Variants in ZNG1B observed in about 807,000 individuals in gnomAD.
ZNG1B encodes the protein Zn regulated GTPase metalloprotein activator 1B.
the ZNG1B span, among the ~76,000 whole-genome samples, chr2:113,459,371 A>G: frequency 6.6e-6 from 1 of 151,676 alleles, no homozygotes; most frequent in African/African-American, 2.4e-5. Flanking sequence ...GTTCCAAACT[A>G]TTCAGATACC....
At chr2:113,488,209 C>T in the ZNG1B span, among the ~76,000 whole-genome samples, 1 of 152,174 alleles carries the variant, frequency 6.6e-6, no homozygotes, top group East Asian at 1.9e-4. Flanking sequence ...AGACTACCCC[C>T]CAGTACCAGC....
chr2:113,460,670 T>C, the ZNG1B span: 2 of 1,594,398 alleles, frequency 1.3e-6, no homozygotes, highest in African/African-American at 1.3e-5. Flanking sequence ...TTTTTTTGTT[T>C]AGCATTTAGC....
chr2:113,450,450 G>C, the ZNG1B span, among the ~76,000 whole-genome samples: 1 of 150,288 alleles, frequency 6.7e-6, no homozygotes, highest in Non-Finnish European at 1.5e-5. Flanking sequence ...TTAAGTCATT[G>C]TGTTATATAG....
At chr2:113,476,793 T>G in the ZNG1B span, among the ~76,000 whole-genome samples, 2 of 152,232 alleles carry the variant, frequency 1.3e-5, no homozygotes, top group Non-Finnish European at 2.9e-5. Flanking sequence ...GGTGTCAGTC[T>G]GCCTCTGCTA....
the ZNG1B span, among the ~76,000 whole-genome samples, chr2:113,474,789 T>G: frequency 6.6e-6 from 1 of 152,196 alleles, no homozygotes; most frequent in Non-Finnish European, 1.5e-5. Flanking sequence ...TTCCATGTAG[T>G]TGAGTGGTTT....
At chr2:113,453,656 T>C in the ZNG1B span, among the ~76,000 whole-genome samples, 2 of 151,422 alleles carry the variant, frequency 1.3e-5, no homozygotes, top group African/African-American at 4.9e-5. Flanking sequence ...TTTAGTTTAA[T>C]GATGAAATCT....
the ZNG1B span, among the ~76,000 whole-genome samples, chr2:113,489,442 A>G: frequency 6.6e-6 from 1 of 152,170 alleles, no homozygotes; most frequent in African/African-American, 2.4e-5. Context: ...ATACAATTAG[A>G]AAAACAACAA....
the ZNG1B span, among the ~76,000 whole-genome samples, chr2:113,442,014 C>G: frequency 2.2e-4 from 33 of 152,322 alleles, no homozygotes; most frequent in African/African-American, 7.2e-4. Context: ...GCTGGGATTA[C>G]AGGCATGAGG....
the ZNG1B span, among the ~76,000 whole-genome samples, chr2:113,481,168 A>G: frequency 7.0e-6 from 1 of 143,848 alleles, no homozygotes; most frequent in Non-Finnish European, 1.5e-5. Context: ...ATATGGGAAA[A>G]GCATATGATT....
At chr2:113,456,220 G>T in the ZNG1B span, among the ~76,000 whole-genome samples, 1 of 151,968 alleles carries the variant, frequency 6.6e-6, no homozygotes, top group Non-Finnish European at 1.5e-5. Context: ...ATGAATTTAT[G>T]AATATAATTT....
At chr2:113,453,424 T>G in the ZNG1B span, among the ~76,000 whole-genome samples, 3 of 151,180 alleles carry the variant, frequency 2.0e-5, no homozygotes, top group Non-Finnish European at 4.4e-5. Context: ...GGCTAATTTT[T>G]GGATTTTTAG....
At chr2:113,480,872 C>T in the ZNG1B span, among the ~76,000 whole-genome samples, 55 of 107,996 alleles carry the variant, frequency 5.1e-4, no homozygotes, top group African/African-American at 2.0e-3. Flanking sequence ...ACATTTTATG[C>T]GTGCAGAATT....
At chr2:113,445,796 A>ATT in the ZNG1B span, among the ~76,000 whole-genome samples, 725 of 125,524 alleles carry the variant, frequency 5.8e-3, 15 homozygotes, top group Middle Eastern at 8.3e-3. Flanking sequence ...CCATACCATT[A>ATT]TTTTTTTTTT....
the ZNG1B span, chr2:113,494,455 TGA>T: frequency 1.3e-6 from 1 of 753,876 alleles, no homozygotes. Context: ...TAGGAAGCAG[TGA>T]TTCTAAAGTG....
At chr2:113,483,482 C>G in the ZNG1B span, among the ~76,000 whole-genome samples, 1 of 149,836 alleles carries the variant, frequency 6.7e-6, no homozygotes, top group South Asian at 2.1e-4. Context: ...AAATCAGAAT[C>G]GCATGTGGAG....
chr2:113,440,001 C>G, the ZNG1B span, among the ~76,000 whole-genome samples: 1 of 148,408 alleles, frequency 6.7e-6, no homozygotes, highest in East Asian at 2.0e-4. Flanking sequence ...TCTCCTGCCT[C>G]AGCCTCCCAA....
chr2:113,466,578 G>A, the ZNG1B span: 1 of 985,334 alleles, frequency 1.0e-6, no homozygotes, highest in Non-Finnish European at 1.2e-6. Flanking sequence ...TATGGTGCTT[G>A]CCAGTGCATC....
the ZNG1B span, among the ~76,000 whole-genome samples, chr2:113,451,396 G>C: frequency 7.1e-6 from 1 of 141,198 alleles, no homozygotes; most frequent in African/African-American, 2.6e-5. Context: ...TTTATTTTTT[G>C]TTTTATTAGA....
At chr2:113,489,494 G>A in the ZNG1B span, among the ~76,000 whole-genome samples, 2 of 152,030 alleles carry the variant, frequency 1.3e-5, no homozygotes, top group East Asian at 3.9e-4. Flanking sequence ...ATAGCATGAT[G>A]AATAGAGTGG....
Sources: allele counts gnomAD v4.1 joint callset (sites outside exome capture counted in the v4.1 genomes callset), GRCh38; gene constraint gnomAD v4.1.1; transcripts MANE v1.5; gene names NCBI Gene and HGNC (gene_info 2026-07-23, HGNC 2026-07-21).